ZDHHC14: variants seen among roughly 807,000 people sequenced by gnomAD.
ZDHHC14 encodes palmitoyltransferase ZDHHC14.
In ZDHHC14, 16 loss-of-function variants were observed where a neutral mutation model predicts 47.7. The observed-to-expected ratio is 0.34, with a 90% CI of 0.23 to 0.51. ZDHHC14 has a LOEUF of 0.51. Among genes scored for constraint, ZDHHC14 ranks in the 20% least tolerant of loss-of-function variants. The pLI is 0.97. For synonymous variants in ZDHHC14, 293 were observed against 278.9 expected (o/e 1.05, Z -0.50); for missense variants, 515 against 662.5 (o/e 0.78, Z 2.44).
intron 1 of ZDHHC14, among the ~76,000 whole-genome samples, chr6:157,519,823 T>C (rs1458941250): frequency 6.6e-6 from 1 of 152,206 alleles, no homozygotes; most frequent in Non-Finnish European, 1.5e-5. Context: ...TGCTAGGTAC[T>C]GAGGATAAAA....
chr6:157,583,060 CT>C (rs1358940410), intron 2 of ZDHHC14, among the ~76,000 whole-genome samples: 2 of 151,808 alleles, frequency 1.3e-5, no homozygotes, highest in Non-Finnish European at 2.9e-5. Flanking sequence ...CGTTTTTTAT[CT>C]TTTTCAGATC....
At chr6:157,641,996 C>A (rs907805417) in intron 5 of ZDHHC14, among the ~76,000 whole-genome samples, 1 of 151,116 alleles carries the variant, frequency 6.6e-6, no homozygotes, top group Non-Finnish European at 1.5e-5. Flanking sequence ...TATTAAGGAC[C>A]GCCAAAGAGC....
At chr6:157,441,278 C>T (rs760654609) in intron 1 of ZDHHC14, among the ~76,000 whole-genome samples, 5 of 152,150 alleles carry the variant, frequency 3.3e-5, no homozygotes, top group Non-Finnish European at 7.3e-5. Flanking sequence ...AGCAGGTTTC[C>T]GATCATTTGA....
intron 1 of ZDHHC14, among the ~76,000 whole-genome samples, chr6:157,435,340 A>T (rs1778416929): frequency 6.6e-6 from 1 of 152,234 alleles, no homozygotes; most frequent in Non-Finnish European, 1.5e-5. Flanking sequence ...GTGCTTGCAC[A>T]CATGGAGGGA....
chr6:157,663,904 T>G (rs560010366), intron 8 of ZDHHC14, among the ~76,000 whole-genome samples: 32 of 152,322 alleles, frequency 2.1e-4, no homozygotes, highest in African/African-American at 7.5e-4. Flanking sequence ...TATCTCCATT[T>G]TATAGATTAA....
chr6:157,586,916 G>T lies in ZDHHC14; in HGVS notation c.407-6072G>T, dbSNP rs1460344215. Among the ~76,000 whole-genome samples, 1 of 152,118 alleles carries T rather than the reference G, an allele frequency of 6.6e-6. No individual in the cohort carries two copies. Among genetic ancestry groups the T allele is most frequent in the Non-Finnish European group, 1.5e-5 (1 of 68,028 alleles). On this transcript the variant is annotated intron_variant, in intron 2 of 8. Coordinates refer to ENST00000359775, the MANE Select transcript of ZDHHC14 (RefSeq NM_024630.3). This position sits in a 1 kb window ranked among gnomAD's most constrained non-coding sequence, Gnocchi z 4.6. ...AGCATTTCACCTCTTTGTAACAGAG[G>T]TTCAATCTTTTAAAAAATGCACTTT...
chr6:157,557,942 G>A (rs201517963), intron 2 of ZDHHC14, among the ~76,000 whole-genome samples: 3 of 152,314 alleles, frequency 2.0e-5, no homozygotes, highest in East Asian at 3.9e-4. Flanking sequence ...GCGCTGTCCA[G>A]TAGTCTATAA....
intron 8 of ZDHHC14, among the ~76,000 whole-genome samples, chr6:157,666,796 C>T (rs555624746): frequency 2.3e-4 from 35 of 152,212 alleles, no homozygotes; most frequent in Non-Finnish European, 4.0e-4. Context: ...TGAGAATCTG[C>T]AGAAACAGGA....
intron 5 of ZDHHC14, among the ~76,000 whole-genome samples, chr6:157,633,652 C>T (rs1450644378): frequency 6.6e-6 from 1 of 152,088 alleles, no homozygotes; most frequent in African/African-American, 2.4e-5. Context: ...GAGTAATTTC[C>T]GTCTTGAGGA....
intron 2 of ZDHHC14, among the ~76,000 whole-genome samples, chr6:157,546,127 T>C (rs1429835786): frequency 6.6e-6 from 1 of 152,252 alleles, no homozygotes; most frequent in Non-Finnish European, 1.5e-5. Flanking sequence ...AGCTTAGCTG[T>C]ACCTCCTCCA....
chr6:157,666,185 C>T (rs536981955), intron 8 of ZDHHC14, among the ~76,000 whole-genome samples: 1 of 152,322 alleles, frequency 6.6e-6, no homozygotes, highest in African/African-American at 2.4e-5. Context: ...ATATCTGGCA[C>T]TTGTTGCTAC....
intron 1 of ZDHHC14, among the ~76,000 whole-genome samples, chr6:157,451,743 T>C (rs1778808784): frequency 6.6e-6 from 1 of 152,164 alleles, no homozygotes; most frequent in South Asian, 2.1e-4. Context: ...GTATTTTTAG[T>C]AGAGGTGGGT....
intron 7 of ZDHHC14, 100 bp downstream of exon 7, chr6:157,647,468 C>A (rs946060874): frequency 5.2e-6 from 4 of 776,434 alleles, no homozygotes; most frequent in African/African-American, 1.8e-5. Context: ...GGGTCGCCGC[C>A]ACCACGTGAC....
rs1352103826 is a variant in ZDHHC14, at chr6:157,586,197, G to T, written c.407-6791G>T. On this transcript the variant is annotated intron_variant, in intron 2 of 8. Coordinates refer to ENST00000359775, the MANE Select transcript of ZDHHC14 (RefSeq NM_024630.3). The surrounding 1 kb of genome is among the most constrained non-coding windows in gnomAD (Gnocchi z 4.6). Reference sequence around the variant, plus strand: ...TGTCCCCAGCTCAGAGCCCAGGGCTGGCCCCCAGTAGAAGCACAATACAGA... The same window carrying T: ...TGTCCCCAGCTCAGAGCCCAGGGCTTGCCCCCAGTAGAAGCACAATACAGA... Among the ~76,000 whole-genome samples the T allele has an allele frequency of 1.3e-5, 2 of 152,134 alleles. No individual in the cohort carries two copies. Among genetic ancestry groups the T allele is most frequent in the East Asian group, 3.9e-4 (2 of 5,186 alleles).
At chr6:157,523,837 G>T (rs961182273) in intron 1 of ZDHHC14, among the ~76,000 whole-genome samples, 8 of 152,178 alleles carry the variant, frequency 5.3e-5, no homozygotes, top group Admixed American at 3.9e-4. Context: ...AGAAATGGGG[G>T]CTGCAGTGGG....
intron 3 of ZDHHC14, among the ~76,000 whole-genome samples, chr6:157,608,014 C>G (rs1483308605): frequency 4.6e-5 from 7 of 152,236 alleles, no homozygotes; most frequent in Admixed American, 4.6e-4. Context: ...TAACCAGTGT[C>G]TACCTGGTTT....
rs979074733 is a variant in ZDHHC14 at position 157,673,043 on chromosome 6, T to C, written c.1388T>C (p.Met463Thr). The change falls in exon 9 of 9, where the codon ATG becomes ACG. Residue 463 changes from methionine to threonine, a missense_variant. Physicochemically the swap from Met to Thr is moderately conservative, Grantham distance 81. Coordinates refer to ENST00000359775, the MANE Select transcript of ZDHHC14 (RefSeq NM_024630.3). This position sits in a 1 kb window ranked among gnomAD's most constrained non-coding sequence, Gnocchi z 5.4. ...AGCCCCCTGGCGCACAGCCGCACCA[T>C]GCACGTGCTGGGCCTGGCCAGCCAG... Reference protein sequence around the residue: ...AGSPLAHSRTMHVLGLASQDS... With the variant: ...AGSPLAHSRTTHVLGLASQDS... The C allele has an allele frequency of 2.6e-6, 4 of 1,566,626 alleles. No homozygotes were observed. Among genetic ancestry groups the C allele is most frequent in the East Asian group, 2.3e-5 (1 of 42,672 alleles).
intron 1 of ZDHHC14, among the ~76,000 whole-genome samples, chr6:157,465,132 T>G (rs1779179768): frequency 1.4e-5 from 2 of 145,554 alleles, no homozygotes; most frequent in Admixed American, 1.4e-4. Context: ...TTTTTTTACA[T>G]TTTAATGGTT....
At chr6:157,492,543 C>G (rs1380828960) in intron 1 of ZDHHC14, among the ~76,000 whole-genome samples, 1 of 152,192 alleles carries the variant, frequency 6.6e-6, no homozygotes, top group Non-Finnish European at 1.5e-5. Flanking sequence ...CTCTTTTGTG[C>G]GCCAGGCATT....
Sources: gnomAD v4.1 joint callset for allele counts (sites outside exome capture counted in the v4.1 genomes callset) on GRCh38, gnomAD v4.1.1 for gene constraint, Gnocchi (gnomAD v3.1) non-coding constraint, MANE v1.5 for transcripts, NCBI Gene and HGNC (gene_info 2026-07-23, HGNC 2026-07-21) for gene names.